The following PLEKHO2 variants were observed in gnomAD, a reference collection of about 807,000 sequenced individuals.
PLEKHO2 encodes pleckstrin homology domain-containing family O member 2.
PLEKHO2 carries 20 observed loss-of-function variants against 32.7 expected under a neutral mutation model. The observed-to-expected ratio is 0.61, with a 90% CI of 0.43 to 0.89. The LOEUF (loss-of-function observed/expected upper bound fraction) is 0.89, where lower values mean the gene tolerates loss of function less well. PLEKHO2 is among the 40% of genes least tolerant of loss of function. The pLI, the probability that PLEKHO2 is intolerant of heterozygous loss-of-function variation, is 0.00. For missense variants in PLEKHO2, 568 were observed against 621.2 expected, an observed-to-expected ratio of 0.91 and a Z score of 0.91; for synonymous variants, 247 against 246.3, an observed-to-expected ratio of 1.00 and a Z score of -0.03.
chr15:64,858,706 G>A (rs971663851), intron 3 of PLEKHO2, among the ~76,000 whole-genome samples: 16 of 152,108 alleles, frequency 1.1e-4, no homozygotes, highest in African/African-American at 3.9e-4. Flanking sequence ...TATTCACTCT[G>A]CCTAGCTCCA....
intron 1 of PLEKHO2, among the ~76,000 whole-genome samples, chr15:64,843,905 A>G (rs1275131609): frequency 1.3e-5 from 2 of 152,048 alleles, no homozygotes; most frequent in African/African-American, 4.8e-5. Flanking sequence ...TGACTCCTAG[A>G]TGCCCAAAGC....
intron 5 of PLEKHO2, among the ~76,000 whole-genome samples, chr15:64,862,480 A>G (rs2084648429): frequency 1.4e-5 from 2 of 147,716 alleles, no homozygotes; most frequent in South Asian, 2.2e-4. Context: ...GAATTTGGAG[A>G]GGGTATGGGC....
chr15:64,864,782 G>C, intron 5 of PLEKHO2, 117 bp from the exon 6 acceptor site: 3 of 1,101,154 alleles, frequency 2.7e-6, no homozygotes, highest in Non-Finnish European at 3.9e-6. Flanking sequence ...AGGGAGGCTG[G>C]GGAGCTGGGG....
chr15:64,851,551 G>A (rs2084569087), intron 2 of PLEKHO2, among the ~76,000 whole-genome samples: 1 of 152,206 alleles, frequency 6.6e-6, no homozygotes, highest in Non-Finnish European at 1.5e-5. Flanking sequence ...ATTGAGAAAT[G>A]CTTATTAGCT....
chr15:64,845,984 A>C (rs1162224411), intron 1 of PLEKHO2, among the ~76,000 whole-genome samples: 2 of 152,200 alleles, frequency 1.3e-5, no homozygotes, highest in African/African-American at 4.8e-5. Flanking sequence ...GAGTCTGCCC[A>C]TCAGGTGGAA....
At chr15:64,853,339 C>T (rs1173429974) in intron 2 of PLEKHO2, among the ~76,000 whole-genome samples, 2 of 146,120 alleles carry the variant, frequency 1.4e-5, no homozygotes, top group Middle Eastern at 3.7e-3. Context: ...TGCAGTGGAG[C>T]GATCTTGGCT....
chr15:64,865,915 C>T lies in PLEKHO2; in HGVS notation c.*27C>T, dbSNP rs1402352290. Reference sequence around the variant, plus strand: ...GCCTTCTGGGCCAGAGGCACCATCCCTTCTGGCCATCCATCAAGTCCATCA... The same window carrying T: ...GCCTTCTGGGCCAGAGGCACCATCCTTTCTGGCCATCCATCAAGTCCATCA... On this transcript the variant is annotated 3_prime_UTR_variant, in exon 6 of 6. Transcript: ENST00000323544. 6.3e-7 allele frequency: 1 copy of T among 1,578,620 alleles called. No individual in the cohort carries two copies. Among genetic ancestry groups the T allele is most frequent in the Non-Finnish European group, 8.6e-7 (1 of 1,166,474 alleles).
chr15:64,842,224 C>G (rs1410671210), intron 1 of PLEKHO2, among the ~76,000 whole-genome samples, 196 bp downstream of exon 1: 1 of 152,262 alleles, frequency 6.6e-6, no homozygotes, highest in Non-Finnish European at 1.5e-5. Flanking sequence ...CTCCTTCATT[C>G]TCGCTGACTT....
intron 1 of PLEKHO2, among the ~76,000 whole-genome samples, chr15:64,844,541 T>C (rs142283231): frequency 1.2e-4 from 19 of 152,338 alleles, no homozygotes; most frequent in African/African-American, 4.6e-4. Context: ...CCAGCAGTCA[T>C]GCCTTTCCCT....
chr15:64,858,304 A>C (rs976747836), intron 3 of PLEKHO2, among the ~76,000 whole-genome samples: 8 of 152,302 alleles, frequency 5.3e-5, no homozygotes, highest in African/African-American at 1.7e-4. Flanking sequence ...GGCAGCCAGG[A>C]GGAAATTATA....
In PLEKHO2 at chr15:64,867,598, T is replaced by A. The variant is rs3183338; in HGVS notation, c.*1710T>A. The A allele has an allele frequency of 6.6e-6, 1 of 152,124 alleles. No individual in the cohort carries two copies. Among genetic ancestry groups the A allele is most frequent in the Non-Finnish European group, 1.5e-5 (1 of 68,062 alleles). 9.4% of individuals were successfully genotyped at this position (152,124 alleles called of 1,614,324 possible). ...ACCAGCAGCCATGGCTGGCTGGGGC[T>A]TTAGCCAAGCCACCTACTGCCAGGA... On this transcript the variant is annotated 3_prime_UTR_variant, in exon 6 of 6. Transcript: ENST00000323544.
chr15:64,859,808 G>A, intron 3 of PLEKHO2, 86 bp from the exon 4 acceptor site: 1 of 1,137,570 alleles, frequency 8.8e-7, no homozygotes, highest in Non-Finnish European at 1.3e-6. Flanking sequence ...GTTTGACTTT[G>A]GGATCTAGGT....
Position 64,866,484 on chromosome 15 carries a change from T to TG in PLEKHO2, c.*596_*597insG, listed in dbSNP as rs2084689048. ...CTCTTGAGGGAGATGAGAGGCCTCTTTGTGAGGAGGACATTAGCTGTGTGG... is the reference window on the plus strand; with the variant it reads ...CTCTTGAGGGAGATGAGAGGCCTCTTGTGTGAGGAGGACATTAGCTGTGTGG... On this transcript the variant is annotated 3_prime_UTR_variant, in exon 6 of 6. Transcript: ENST00000323544. The TG allele has an allele frequency of 1.1e-5, 5 of 436,626 alleles. No homozygotes were observed. Among genetic ancestry groups the TG allele is most frequent in the Non-Finnish European group, 2.3e-5 (5 of 216,468 alleles). The allele number at this position is 436,626 out of a possible 1,614,324, so 27.0% of individuals were successfully genotyped here.
intron 4 of PLEKHO2, among the ~76,000 whole-genome samples, chr15:64,860,982 C>T (rs2084637089): frequency 6.6e-6 from 1 of 152,260 alleles, no homozygotes; most frequent in Admixed American, 6.5e-5. Context: ...GACTTCCCAG[C>T]CAATCCTGAC....
At position 64,865,088 on chromosome 15, in the gene PLEKHO2, C is replaced by T. The variant is rs746392673; in HGVS notation, c.673C>T (p.Pro225Ser). The change falls in exon 6 of 6, where the codon CCT (proline) becomes TCT (serine). Residue 225 changes from proline (P) to serine (S), a missense_variant. By Grantham distance (74) the Pro-to-Ser change is moderately conservative (BLOSUM62 -1). Transcript: ENST00000323544. ...TTSPGDRVETPVGERAPTPVS... is the reference protein window; with the variant it reads ...TTSPGDRVETSVGERAPTPVS... ...CAGCCCTGGTGACAGGGTGGAGACCCCTGTGGGGGAGAGAGCCCCAACCCC... is the reference window on the plus strand; with the variant it reads ...CAGCCCTGGTGACAGGGTGGAGACCTCTGTGGGGGAGAGAGCCCCAACCCC... 2.2e-5 allele frequency: 35 copies of T among 1,614,012 alleles called. No individual in the cohort carries two copies. The highest frequency in any genetic ancestry group is 8.3e-5 in the Admixed American group (5 of 59,990).
intron 1 of PLEKHO2, among the ~76,000 whole-genome samples, chr15:64,847,854 G>A (rs1057345900): frequency 2.0e-5 from 3 of 152,192 alleles, no homozygotes; most frequent in South Asian, 2.1e-4. Context: ...GGAAGCGGAA[G>A]GGGCTGCAGA....
rs1262881977 is a variant in PLEKHO2, at chr15:64,850,018, G to A, written c.162+1276G>A. ...TCTACTAAAAATACAAAATTAGCCG[G>A]GTGTAGTGGTGCATGTCCGTAATGC... On this transcript the variant is annotated intron_variant, in intron 2 of 5. Coordinates refer to ENST00000323544, the MANE Select transcript of PLEKHO2 (RefSeq NM_025201.5). Among the ~76,000 whole-genome samples, 4 of 151,490 alleles carry A rather than the reference G, an allele frequency of 2.6e-5. No homozygotes were observed. The East Asian group carries it at 5.8e-4, about 22-fold the overall frequency.
rs575659681 is a variant in PLEKHO2, at chr15:64,848,732, A to C, written c.152A>C (p.Tyr51Ser). The C allele has an allele frequency of 5.0e-6, 8 of 1,614,086 alleles. No individual in the cohort carries two copies. The highest frequency in any genetic ancestry group is 5.9e-6 in the Non-Finnish European group (7 of 1,180,000). The part of the protein sequence containing the change: ...LLLCQAQLLV[Y>S]ENEDDQKCVE... ...CTCTGCCAGGCCCAGCTGCTGGTCT[A>C]TGAGAATGAGGTGAGGACCTGCTTG... The change falls in exon 2 of 6, where the codon TAT (tyrosine) becomes TCT (serine). Residue 51 changes from tyrosine to serine, a missense_variant. By Grantham distance (144) the Tyr-to-Ser change is moderately radical (BLOSUM62 -2). Transcript: ENST00000323544.
Position 64,866,295 on chromosome 15 carries a change from C to T in PLEKHO2, c.*407C>T, listed in dbSNP as rs2084686785. 8.7e-6 allele frequency: 4 copies of T among 462,016 alleles called. No homozygotes were observed. Among genetic ancestry groups the T allele is most frequent in the Admixed American group, 2.3e-5 (1 of 42,660 alleles). The allele number at this position is 462,016 out of a possible 1,614,324, so 28.6% of individuals were successfully genotyped here. A position where few individuals can be genotyped will look rare whatever the true frequency, so the allele number is the denominator to read the frequency against. ...CTTCTGAATACAGCACAGCTGAGCC[C>T]CCTGCAGCTCCCATCTCCAGCTATT... On this transcript the variant is annotated 3_prime_UTR_variant, in exon 6 of 6. Transcript: ENST00000323544.
Sources: allele counts gnomAD v4.1 joint callset (sites outside exome capture counted in the v4.1 genomes callset), GRCh38; gene constraint gnomAD v4.1.1; transcripts MANE v1.5; gene names NCBI Gene and HGNC (gene_info 2026-07-23, HGNC 2026-07-21).